LONP2: variants seen among roughly 807,000 people sequenced by gnomAD.
LONP2 encodes the protein lon protease homolog 2, peroxisomal.
Under a neutral mutation model 85.6 loss-of-function variants are expected in LONP2, and 60 were observed. The observed-to-expected ratio is 0.70, with a 90% CI of 0.57 to 0.87. The LOEUF (loss-of-function observed/expected upper bound fraction) is 0.87, where lower values mean the gene tolerates loss of function less well. Among genes scored for constraint, LONP2 ranks in the 40% least tolerant of loss-of-function variants. The probability of loss-of-function intolerance (pLI) is 0.00; values close to 1 mark genes in which losing one functional copy is unlikely to be tolerated. For missense variants in LONP2, 860 were observed against 1,063.5 expected (o/e 0.81, Z 2.66); for synonymous variants, 395 against 389.7 (o/e 1.01, Z -0.16).
At chr16:48,284,782 A>C (rs1972403833) in intron 8 of LONP2, among the ~76,000 whole-genome samples, 1 of 152,218 alleles carries the variant, frequency 6.6e-6, no homozygotes, top group Non-Finnish European at 1.5e-5. Context: ...TCTCTGAGGT[A>C]TACCTGTATT....
intron 4 of LONP2, among the ~76,000 whole-genome samples, chr16:48,261,150 A>G (rs961707183): frequency 6.6e-6 from 1 of 152,190 alleles, no homozygotes; most frequent in Admixed American, 6.5e-5. Flanking sequence ...TATTTCTAGT[A>G]TCCAGTTCCT....
chr16:48,357,707 C>G (rs1027284593), downstream of LONP2, among the ~76,000 whole-genome samples: 2 of 152,180 alleles, frequency 1.3e-5, no homozygotes, highest in Non-Finnish European at 2.9e-5. Flanking sequence ...AGTAGAATCA[C>G]TGCAGATGTT....
intron 3 of LONP2, among the ~76,000 whole-genome samples, chr16:48,257,635 A>G (rs1282270573): frequency 2.0e-5 from 3 of 152,204 alleles, no homozygotes; most frequent in Non-Finnish European, 4.4e-5. Flanking sequence ...AGTATTTTTA[A>G]TGAATCATCC....
chr16:48,290,571 T>C (rs1005788635), intron 8 of LONP2, among the ~76,000 whole-genome samples: 17 of 151,282 alleles, frequency 1.1e-4, no homozygotes, highest in Non-Finnish European at 8.9e-5. Flanking sequence ...TTTGCTAGAG[T>C]AGCTCACAGA....
intron 9 of LONP2, among the ~76,000 whole-genome samples, chr16:48,298,250 A>G (rs1972717034): frequency 6.6e-6 from 1 of 152,158 alleles, no homozygotes; most frequent in African/African-American, 2.4e-5. Flanking sequence ...TTTCCATTCA[A>G]AAGGTGCCTT....
Position 48,347,586 on chromosome 16 carries a change from AGGCGAGTCGAATGGAT to A in LONP2, c.2025_2040del (p.Ser675ArgfsTer4). ...TTAGGTGGAGAAATCATGTTCGTGG[AGGCGAGTCGAATGGAT>A]GGCGAGGGCCAGTTAACTCTGACCG... On this transcript the variant is annotated frameshift_variant, in exon 13 of 15. Transcript: ENST00000285737. LOFTEE classifies it high-confidence loss of function. 1 of 1,614,244 alleles carries A rather than the reference AGGCGAGTCGAATGGAT, an allele frequency of 6.2e-7. No homozygotes were observed. Among genetic ancestry groups the A allele is most frequent in the Non-Finnish European group, 8.5e-7 (1 of 1,180,040 alleles).
chr16:48,342,636 G>T (rs2151029967), intron 12 of LONP2, among the ~76,000 whole-genome samples: 1 of 152,294 alleles, frequency 6.6e-6, no homozygotes, highest in East Asian at 1.9e-4. Context: ...GACAGTGGTG[G>T]ACCCCAACAC....
chr16:48,348,290 A>T lies in LONP2; in HGVS notation c.2337A>T (p.Pro779=), dbSNP rs1960032368. The T allele has an allele frequency of 2.8e-6, 4 of 1,447,528 alleles. No individual in the cohort carries two copies. The highest frequency in any genetic ancestry group is 3.6e-6 in the Non-Finnish European group (4 of 1,095,920). 89.7% of individuals were successfully genotyped at this position (1,447,528 alleles called of 1,614,324 possible). The stretch of plus-strand genomic sequence containing the variant: ...TTACACTGAGAGGTCTTGTTCTTCC[A>T]GTAAGTATGAAAAAACAATTTATAT... ...GEITLRGLVL[P]VGGIKDKVLA... is the part of the protein sequence containing the mutation. Residue 779 remains proline (P), a splice_region_variant and synonymous_variant, in exon 14 of 15, where the codon CCA becomes CCT. Transcript: ENST00000285737.
intron 8 of LONP2, among the ~76,000 whole-genome samples, chr16:48,280,333 T>C (rs1972300112): frequency 6.6e-6 from 1 of 152,238 alleles, no homozygotes; most frequent in Admixed American, 6.5e-5. Context: ...CTTAAATTTT[T>C]TCAACAACTG....
Position 48,352,142 on chromosome 16 carries a change from G to A in LONP2, c.*340G>A, listed in dbSNP as rs957266972. The A allele has an allele frequency of 4.5e-5, 10 of 222,842 alleles. No individual in the cohort carries two copies. Among genetic ancestry groups the A allele is most frequent in the South Asian group, 2.7e-4 (3 of 11,270 alleles). 13.8% of individuals were successfully genotyped at this position (222,842 alleles called of 1,614,324 possible). A position where few individuals can be genotyped will look rare whatever the true frequency, so the allele number is the denominator to read the frequency against. On this transcript the variant is annotated 3_prime_UTR_variant, in exon 15 of 15. Coordinates refer to ENST00000285737, the MANE Select transcript of LONP2 (RefSeq NM_031490.5). ...ACATTCTCAGGCTCCACAGCAGGCC[G>A]CCTGAATCAAATCCTGGGAGGTGGG... is the stretch of plus-strand genomic sequence containing the variant.
At chr16:48,276,805 A>G (rs1197196011) in intron 7 of LONP2, among the ~76,000 whole-genome samples, 1 of 152,200 alleles carries the variant, frequency 6.6e-6, no homozygotes, top group African/African-American at 2.4e-5. Context: ...ATTTCCTCTG[A>G]AAATAAAAGA....
In LONP2 at chr16:48,354,196, CTTTTTTTTTTTTTTTT is replaced by C. The variant is rs1159788312; in HGVS notation, c.*2408_*2423del. 2 of 46,186 alleles carry C rather than the reference CTTTTTTTTTTTTTTTT, an allele frequency of 4.3e-5. No individual in the cohort carries two copies. Among genetic ancestry groups the C allele is most frequent in the Non-Finnish European group, 8.1e-5 (2 of 24,802 alleles). The allele number at this position is 46,186 out of a possible 1,614,324, so 2.9% of individuals were successfully genotyped here. Reference sequence around the variant, plus strand: ...GATCTAAGCATGTCCACTCTACACGCTTTTTTTTTTTTTTTTTTTTTTTTTTTTTGAGATGGAGTCT... The same window carrying C: ...GATCTAAGCATGTCCACTCTACACGCTTTTTTTTTTTTTGAGATGGAGTCT... On this transcript the variant is annotated 3_prime_UTR_variant, in exon 15 of 15. Transcript: ENST00000285737.
chr16:48,244,706 C>G, intron 1 of LONP2, 85 bp downstream of exon 1: 3 of 1,005,822 alleles, frequency 3.0e-6, no homozygotes, highest in South Asian at 5.3e-5. Flanking sequence ...GCCTTGAGCG[C>G]GAGGCTCAGT....
chr16:48,329,002 A>G (rs978694924), intron 11 of LONP2, among the ~76,000 whole-genome samples: 13 of 152,168 alleles, frequency 8.5e-5, no homozygotes, highest in Admixed American at 7.9e-4. Context: ...AGGTAAAGTC[A>G]CCTTGTTCTA....
intron 8 of LONP2, among the ~76,000 whole-genome samples, chr16:48,291,904 A>G (rs761395711): frequency 2.0e-5 from 3 of 152,258 alleles, no homozygotes; most frequent in Non-Finnish European, 4.4e-5. Context: ...TATCTGAGAC[A>G]GGTCTCAACC....
intron 6 of LONP2, among the ~76,000 whole-genome samples, chr16:48,268,851 A>G (rs1364673419): frequency 6.6e-6 from 1 of 152,146 alleles, no homozygotes; most frequent in African/African-American, 2.4e-5. Flanking sequence ...CCAAATTACC[A>G]TCTCAGGCCA....
intron 2 of LONP2, among the ~76,000 whole-genome samples, chr16:48,252,774 T>A (rs181483147): frequency 5.3e-5 from 8 of 152,352 alleles, no homozygotes; most frequent in Admixed American, 5.2e-4. Flanking sequence ...CTATGGTAGA[T>A]CAAGCCTGTG....
In LONP2 at chr16:48,355,934, A is replaced by C. The variant is rs1960332317; in HGVS notation, c.*4132A>C. On this transcript the variant is annotated 3_prime_UTR_variant, in exon 15 of 15. Coordinates refer to ENST00000285737, the MANE Select transcript of LONP2 (RefSeq NM_031490.5). Reference sequence around the variant, plus strand: ...GGTTTTTAAAACTTCTCAAGTATTAAAACTAAAAGCTTTAGGTGCTTTGCT... The same window carrying C: ...GGTTTTTAAAACTTCTCAAGTATTACAACTAAAAGCTTTAGGTGCTTTGCT... The C allele has an allele frequency of 6.6e-6, 1 of 152,124 alleles. No homozygotes were observed. The highest frequency in any genetic ancestry group is 1.5e-5 in the Non-Finnish European group (1 of 68,040). 9.4% of individuals were successfully genotyped at this position (152,124 alleles called of 1,614,324 possible). A position where few individuals can be genotyped will look rare whatever the true frequency, so the allele number is the denominator to read the frequency against.
intron 11 of LONP2, among the ~76,000 whole-genome samples, chr16:48,327,271 T>G (rs34135802): frequency 0.21 from 32,443 of 152,132 alleles, 4,371 homozygotes; most frequent in African/African-American, 0.38. Context: ...AGAGCTGGGA[T>G]ATACCTCTGC....
Sources: allele counts gnomAD v4.1 joint callset (sites outside exome capture counted in the v4.1 genomes callset), GRCh38; gene constraint gnomAD v4.1.1; transcripts MANE v1.5; gene names NCBI Gene and HGNC (gene_info 2026-07-23, HGNC 2026-07-21).